FBP1: variants seen among roughly 807,000 people sequenced by gnomAD.
FBP1 encodes the protein fructose-bisphosphatase 1.
FBP1 carries 22 observed loss-of-function variants against 29.9 expected under a neutral mutation model. The ratio of observed to expected loss-of-function variants is 0.74; its 90% CI spans 0.53 to 1.05. FBP1 has a LOEUF of 1.05. FBP1 is among the 50% of genes least tolerant of loss of function. The pLI, the probability that FBP1 is intolerant of heterozygous loss-of-function variation, is 0.00. For missense variants in FBP1, 345 were observed against 448.2 expected, an observed-to-expected ratio of 0.77 and a Z score of 2.08; for synonymous variants, 175 against 178.6, an observed-to-expected ratio of 0.98 and a Z score of 0.16.
intron 1 of FBP1, among the ~76,000 whole-genome samples, chr9:94,628,122 C>T (rs1828050754): frequency 6.6e-6 from 1 of 152,240 alleles, no homozygotes; most frequent in South Asian, 2.1e-4. Context: ...CACAGTGGCT[C>T]ATGCCTGTGA....
chr9:94,639,002 G>A (rs116289409), intron 1 of FBP1, 139 bp downstream of exon 1: 2 of 872,944 alleles, frequency 2.3e-6, no homozygotes, highest in African/African-American at 3.3e-5. Flanking sequence ...ACCAGACAGA[G>A]AGCGAGAGAG....
chr9:94,638,957 G>A (rs1256935560), intron 1 of FBP1, among the ~76,000 whole-genome samples, 184 bp downstream of exon 1: 1 of 152,200 alleles, frequency 6.6e-6, no homozygotes, highest in African/African-American at 2.4e-5. Context: ...ATGAGGACTT[G>A]AGTGAGGCTG....
At chr9:94,610,946 C>G (rs1376759384) in intron 3 of FBP1, among the ~76,000 whole-genome samples, 1 of 151,720 alleles carries the variant, frequency 6.6e-6, no homozygotes, top group Non-Finnish European at 1.5e-5. Context: ...TCACTGCAAG[C>G]TCCGCCTCGC....
intron 3 of FBP1, among the ~76,000 whole-genome samples, chr9:94,617,081 TACAG>T (rs1827875131): frequency 1.3e-5 from 2 of 152,298 alleles, no homozygotes; most frequent in South Asian, 4.1e-4. Flanking sequence ...AAACTGTTTC[TACAG>T]ACAGACAGAT....
chr9:94,610,290 C>T (rs1827765400), intron 3 of FBP1, among the ~76,000 whole-genome samples: 1 of 152,156 alleles, frequency 6.6e-6, no homozygotes, highest in Non-Finnish European at 1.5e-5. Flanking sequence ...AATTAGGGCC[C>T]TCCTCCAATT....
intron 3 of FBP1, among the ~76,000 whole-genome samples, chr9:94,616,544 G>A (rs1041866417): frequency 4.2e-5 from 6 of 144,186 alleles, no homozygotes; most frequent in Admixed American, 1.4e-4. Flanking sequence ...AGGTTCAAGC[G>A]ATTCTCCTGC....
chr9:94,618,596 G>C lies in FBP1; in HGVS notation c.334-736C>G, dbSNP rs28369707. Among the ~76,000 whole-genome samples the C allele has an allele frequency of 7.4e-3, 1,129 of 152,010 alleles. 20 individuals are homozygous for C. Among genetic ancestry groups the C allele is most frequent in the African/African-American group, 0.026 (1,081 of 41,460 alleles). ...GGAGTTCGAGGCTGCAGTGAGCCAT[G>C]ACTGTGCACTCCAGTCTGGGTGACA... On this transcript the variant is annotated intron_variant, in intron 2 of 6. Coordinates refer to ENST00000375326, the MANE Select transcript of FBP1 (RefSeq NM_000507.4).
At chr9:94,634,749 T>C (rs1486390870) in intron 1 of FBP1, among the ~76,000 whole-genome samples, 2 of 152,138 alleles carry the variant, frequency 1.3e-5, no homozygotes, top group African/African-American at 4.8e-5. Context: ...TAAGCCTGAA[T>C]TCACATCAAA....
At chr9:94,608,107 T>C (rs1827727462) in intron 4 of FBP1, among the ~76,000 whole-genome samples, 1 of 152,134 alleles carries the variant, frequency 6.6e-6, no homozygotes, top group South Asian at 2.1e-4. Context: ...AGACTGTCCA[T>C]GGTGCAAAGG....
intron 1 of FBP1, among the ~76,000 whole-genome samples, chr9:94,633,908 G>T (rs1164488081): frequency 2.0e-5 from 3 of 151,080 alleles, no homozygotes; most frequent in Non-Finnish European, 4.4e-5. Flanking sequence ...GGGTTTCACC[G>T]TGTTGGCCAG....
intron 1 of FBP1, among the ~76,000 whole-genome samples, chr9:94,624,199 A>G (rs1563985864): frequency 6.6e-6 from 1 of 151,776 alleles, no homozygotes; most frequent in East Asian, 1.9e-4. Flanking sequence ...TTAGCCGGGC[A>G]TGGTGGCGGG....
At chr9:94,606,584 A>T (rs548117334) in intron 5 of FBP1, among the ~76,000 whole-genome samples, 6 of 152,230 alleles carry the variant, frequency 3.9e-5, no homozygotes, top group Non-Finnish European at 7.3e-5. Context: ...TGAGAACTTC[A>T]TCGTGGGCTC....
At chr9:94,639,730 C>CCCAA (rs28382858), upstream of FBP1, among the ~76,000 whole-genome samples, 14,493 of 149,572 alleles carry the variant, frequency 0.097, 781 homozygotes, top group East Asian at 0.2. Flanking sequence ...TGTCGCCCCC[C>CCCAA]ACACACACCC....
Position 94,610,010 on chromosome 9 carries a change from G to T in FBP1, c.478C>A (p.Leu160Met), listed in dbSNP as rs776434971. Residue 160 changes from leucine to methionine, a missense_variant, in exon 4 of 7, where the codon CTG becomes ATG. Transcript: ENST00000375326. ...TACAGTGCGTAGCCGGCTGCCACCA[G>T]GTTCCGGCCTGGTTGCAGAGCATCC... is the stretch of plus-strand genomic sequence containing the variant. Reference protein sequence around the residue: ...EKDALQPGRNLVAAGYALYGS... With the variant: ...EKDALQPGRNMVAAGYALYGS... 4.3e-6 allele frequency: 7 copies of T among 1,614,188 alleles called. No homozygotes were observed. Among genetic ancestry groups the T allele is most frequent in the Non-Finnish European group, 5.9e-6 (7 of 1,180,000 alleles).
In FBP1 at chr9:94,603,476, G is replaced by C; in HGVS notation, c.922C>G (p.Pro308Ala). 6.2e-7 allele frequency: 1 copy of C among 1,614,082 alleles called. No individual in the cohort carries two copies. Among genetic ancestry groups the C allele is most frequent in the Non-Finnish European group, 8.5e-7 (1 of 1,179,966 alleles). ...GGCGCCCTCTGGTGAATGTCTGTGG[G>C]AATGACGTCTAACACGGCCTCCTTC... is the stretch of plus-strand genomic sequence containing the variant. ...TGKEAVLDVI[P>A]TDIHQRAPVI... The change falls in exon 7 of 7, where the codon CCC becomes GCC. Residue 308 changes from proline (P) to alanine (A), a missense_variant. Pro to Ala is a conservative substitution (Grantham distance 27). Transcript: ENST00000375326.
At chr9:94,621,398 A>AAAAAAAAAAAATATATAT (rs58726402) in intron 1 of FBP1, among the ~76,000 whole-genome samples, 5 of 146,156 alleles carry the variant, frequency 3.4e-5, no homozygotes, top group African/African-American at 1.1e-4. Flanking sequence ...TCCGTCTAAA[A>AAAAAAAAAAAATATATAT]ATATATATAT....
chr9:94,615,606 G>T (rs967627532), intron 3 of FBP1, among the ~76,000 whole-genome samples: 6 of 152,116 alleles, frequency 3.9e-5, no homozygotes, highest in Non-Finnish European at 8.8e-5. Context: ...TGGATAAATT[G>T]TTGCCTTTTT....
At position 94,617,811 on chromosome 9, in the gene FBP1, T is replaced by A; in HGVS notation, c.383A>T (p.Asp128Val). The A allele has an allele frequency of 6.2e-7, 1 of 1,614,022 alleles. No individual in the cohort carries two copies. Among genetic ancestry groups the A allele is most frequent in the Non-Finnish European group, 8.5e-7 (1 of 1,179,942 alleles). Residue 128 changes from aspartate to valine, a missense_variant, in exon 3 of 7, where the codon GAT becomes GTT. Asp to Val is a radical substitution (Grantham distance 152). Transcript: ENST00000375326. ...AATGGTTCCAACGGACACAAGGCAA[T>A]CGATGTTGGAAGATCCATCAAGGGG... Reference protein sequence around the residue: ...FDPLDGSSNIDCLVSVGTIFG... With the variant: ...FDPLDGSSNIVCLVSVGTIFG...
intron 1 of FBP1, among the ~76,000 whole-genome samples, chr9:94,636,769 A>C (rs1828196919): frequency 6.6e-6 from 1 of 151,792 alleles, no homozygotes. Flanking sequence ...GCTCACTGCA[A>C]CCTCCGCCTC....
Sources: gnomAD v4.1 joint callset for allele counts (sites outside exome capture counted in the v4.1 genomes callset) on GRCh38, gnomAD v4.1.1 for gene constraint, MANE v1.5 for transcripts, NCBI Gene and HGNC (gene_info 2026-07-23, HGNC 2026-07-21) for gene names.